The following ABCA5 variants were observed in gnomAD, a reference collection of about 807,000 sequenced individuals.
The protein encoded by ABCA5 is ATP binding cassette subfamily A member 5.
In ABCA5, 163 loss-of-function variants were observed where a neutral mutation model predicts 206.0. The ratio of observed to expected loss-of-function variants is 0.79; its 90% CI spans 0.70 to 0.90. The LOEUF is 0.90. Among genes scored for constraint, ABCA5 ranks in the 40% least tolerant of loss-of-function variants. The pLI, the probability that ABCA5 is intolerant of heterozygous loss-of-function variation, is 0.00. For synonymous variants in ABCA5, 609 were observed against 613.8 expected (o/e 0.99, Z 0.11); for missense variants, 1,859 against 1,912.9 (o/e 0.97, Z 0.53).
In ABCA5 at chr17:69,261,150, A is replaced by C; in HGVS notation, c.3539T>G (p.Leu1180Arg). The C allele has an allele frequency of 1.9e-6, 3 of 1,594,618 alleles. No homozygotes were observed. The highest frequency in any genetic ancestry group is 1.1e-5 in the South Asian group (1 of 87,888). The change falls in exon 26 of 39, where the codon CTA (leucine) becomes CGA (arginine). Residue 1180 changes from leucine (L) to arginine (R), a missense_variant. Coordinates refer to ENST00000392676, the MANE Select transcript of ABCA5 (RefSeq NM_172232.4). The stretch of plus-strand genomic sequence containing the variant: ...CTTTATGAAAGAAATCAGGCAACCT[A>C]GAAGTGGATAGATTGGAATGATGAT... ...FCIIIPIYPL[L>R]GCLISFIKIS...
chr17:69,309,040 T>C (rs34985085), intron 4 of ABCA5, among the ~76,000 whole-genome samples: 2 of 151,924 alleles, frequency 1.3e-5, no homozygotes, highest in East Asian at 3.9e-4. Context: ...TATATATAAA[T>C]GTATTAAATC....
rs11544715 is a variant in ABCA5, at chr17:69,308,306, C to T, written c.532G>A (p.Ala178Thr). Residue 178 changes from alanine (A) to threonine (T), a missense_variant, in exon 5 of 39, where the codon GCA becomes ACA. Transcript: ENST00000392676. Reference sequence around the variant, plus strand: ...TGTATAATGGCAGCATCTATGGATGCTTGTAAAACTGTGAAACCTGAGGAC... The same window carrying T: ...TGTATAATGGCAGCATCTATGGATGTTTGTAAAACTGTGAAACCTGAGGAC... ...YWSSGFTVLQ[A>T]SIDAAIIQLK... 0.14 allele frequency: 220,926 copies of T among 1,608,582 alleles called. 16,019 individuals are homozygous for T. Among genetic ancestry groups the T allele is most frequent in the Admixed American group, 0.16 (9,624 of 59,880 alleles).
chr17:69,264,827 G>T lies in ABCA5; in HGVS notation c.3223C>A (p.Pro1075Thr). ...AAAATAAGAATGATAAAAAATAAGG[G>T]GATATCAACAACAGCTTGTCCAATC... The part of the protein sequence containing the change: ...YWIGQAVVDI[P>T]LFFIILILML... Residue 1075 changes from proline (P) to threonine (T), a missense_variant, in exon 24 of 39, where the codon CCC becomes ACC. By Grantham distance (38) the Pro-to-Thr change is conservative. Transcript: ENST00000392676. 6.3e-7 allele frequency: 1 copy of T among 1,598,138 alleles called. No homozygotes were observed. Among genetic ancestry groups the T allele is most frequent in the Non-Finnish European group, 8.5e-7 (1 of 1,172,404 alleles).
chr17:69,304,751 A>G lies in ABCA5; in HGVS notation c.848T>C (p.Val283Ala), dbSNP rs767391721. Residue 283 changes from valine to alanine, a missense_variant, in exon 7 of 39, where the codon GTC (valine) becomes GCC (alanine). Val to Ala is a moderately conservative substitution (Grantham distance 64). Coordinates refer to ENST00000392676, the MANE Select transcript of ABCA5 (RefSeq NM_172232.4). ...AAATAACAAAGAAGCTGTCGCAATG[A>G]CTGCCATAAGAAGGGACATAAGAAA... ...LIFLMSLLMA[V>A]IATASLLFPQ... is the part of the protein sequence containing the mutation. The G allele has an allele frequency of 1.2e-6, 2 of 1,609,850 alleles. No homozygotes were observed. The highest frequency in any genetic ancestry group is 2.2e-5 in the East Asian group (1 of 44,672).
At chr17:69,298,391 C>G (rs1021467260) in intron 9 of ABCA5, among the ~76,000 whole-genome samples, 5 of 145,022 alleles carry the variant, frequency 3.4e-5, no homozygotes, top group Admixed American at 1.4e-4. Context: ...GCCCAGACAA[C>G]ATGTTCCATT....
intron 34 of ABCA5, 85 bp from the exon 35 acceptor site, chr17:69,251,951 T>C: frequency 7.1e-7 from 1 of 1,417,950 alleles, no homozygotes; most frequent in Non-Finnish European, 9.6e-7. Flanking sequence ...ACCGGTTGGT[T>C]AATTAAGTTA....
chr17:69,319,572 T>C (rs1178594702), intron 1 of ABCA5, among the ~76,000 whole-genome samples: 2 of 152,166 alleles, frequency 1.3e-5, no homozygotes, highest in African/African-American at 4.8e-5. Flanking sequence ...AAATTTCTCT[T>C]GGCAGAATTA....
chr17:69,326,542 T>C lies in ABCA5; in HGVS notation c.-16+510A>G, dbSNP rs1225752115. On this transcript the variant is annotated intron_variant, in intron 1 of 38. Coordinates refer to ENST00000392676, the MANE Select transcript of ABCA5 (RefSeq NM_172232.4). This position sits in a 1 kb window ranked among gnomAD's most constrained non-coding sequence, Gnocchi z 4.8. The stretch of plus-strand genomic sequence containing the variant: ...AACTGTGTCATGAGATCTGCGCATT[T>C]TCTTCTCACTGAAACTCCTTTTAAC... Among the ~76,000 whole-genome samples, 2 of 152,226 alleles carry C rather than the reference T, an allele frequency of 1.3e-5. No individual in the cohort carries two copies. The highest frequency in any genetic ancestry group is 2.9e-5 in the Non-Finnish European group (2 of 68,030).
chr17:69,291,882 G>A (rs1284257308), intron 11 of ABCA5, among the ~76,000 whole-genome samples: 1 of 152,148 alleles, frequency 6.6e-6, no homozygotes, highest in Non-Finnish European at 1.5e-5. Flanking sequence ...GGAGGCTGAG[G>A]TGGGAGGATC....
Position 69,267,973 on chromosome 17 carries a change from G to A in ABCA5, c.3114C>T (p.Tyr1038=). ...LGIIVTAMPP[Y]FAMENAENHK... ...GATTCTCTGCATTTTCCATGGCAAA[G>A]TAAGGTGGCATTGCAGTAACAATGA... The change falls in exon 23 of 39, where the codon TAC becomes TAT. Residue 1038 remains tyrosine, a synonymous_variant. Coordinates refer to ENST00000392676, the MANE Select transcript of ABCA5 (RefSeq NM_172232.4). 6.2e-7 allele frequency: 1 copy of A among 1,610,378 alleles called. No homozygotes were observed.
chr17:69,250,036 T>C, intron 36 of ABCA5, 52 bp from the exon 37 acceptor site: 1 of 1,145,056 alleles, frequency 8.7e-7, no homozygotes, highest in Non-Finnish European at 1.2e-6. Context: ...TACTATTATG[T>C]TCTAAAGCTA....
intron 11 of ABCA5, among the ~76,000 whole-genome samples, chr17:69,293,860 G>GTGTA (rs1402673532): frequency 1.9e-5 from 2 of 107,816 alleles, no homozygotes; most frequent in Non-Finnish European, 4.2e-5. Context: ...GTGTGTGTGT[G>GTGTA]TGTGTGTGTG....
intron 5 of ABCA5, 25 bp from the exon 6 acceptor site, chr17:69,306,979 T>A (rs757907767): frequency 5.4e-6 from 8 of 1,473,510 alleles, no homozygotes; most frequent in Non-Finnish European, 7.3e-6. Context: ...TGTAAATACA[T>A]CAAATTAATT....
rs1031614084 is a variant in ABCA5, at chr17:69,326,333, A to G, written c.-16+719T>C. 5.3e-5 allele frequency among the ~76,000 whole-genome samples: 8 copies of G among 152,294 alleles called. No homozygotes were observed. The highest frequency in any genetic ancestry group is 1.9e-4 in the African/African-American group (8 of 41,548). On this transcript the variant is annotated intron_variant, in intron 1 of 38. Coordinates refer to ENST00000392676, the MANE Select transcript of ABCA5 (RefSeq NM_172232.4). This position sits in a 1 kb window ranked among gnomAD's most constrained non-coding sequence, Gnocchi z 4.8. ...TTCAGAACGCCCTTGTAGAAAGTAA[A>G]CGTGGTTATTATCTTCATTATTTTC...
chr17:69,299,816 C>G (rs1567775569), intron 9 of ABCA5, among the ~76,000 whole-genome samples: 1 of 151,920 alleles, frequency 6.6e-6, no homozygotes, highest in Non-Finnish European at 1.5e-5. Flanking sequence ...TTCATGTAAC[C>G]AAACACCACC....
rs552151851 is a variant in ABCA5, at chr17:69,246,979, A to G, written c.*558T>C. ...TCACTTATTATGATCAATGACTGCC[A>G]CCTAGTGGATATAACTTTCCTCAAA... On this transcript the variant is annotated 3_prime_UTR_variant, in exon 39 of 39. Coordinates refer to ENST00000392676, the MANE Select transcript of ABCA5 (RefSeq NM_172232.4). The G allele has an allele frequency of 2.0e-5, 3 of 152,020 alleles. No homozygotes were observed. Among genetic ancestry groups the G allele is most frequent in the Admixed American group, 1.3e-4 (2 of 15,264 alleles). 9.4% of individuals were successfully genotyped at this position (152,020 alleles called of 1,614,324 possible). A position where few individuals can be genotyped will look rare whatever the true frequency, so the allele number is the denominator to read the frequency against.
intron 20 of ABCA5, among the ~76,000 whole-genome samples, chr17:69,273,551 G>C (rs2075297182): frequency 6.6e-6 from 1 of 151,474 alleles, no homozygotes; most frequent in Non-Finnish European, 1.5e-5. Flanking sequence ...CGCCTCCCGG[G>C]TTCAAGCGAT....
chr17:69,279,314 C>A (rs953401900), intron 18 of ABCA5, among the ~76,000 whole-genome samples: 9 of 152,118 alleles, frequency 5.9e-5, no homozygotes, highest in Non-Finnish European at 1.3e-4. Flanking sequence ...ACCTAGGAAT[C>A]CAACTTACGA....
At chr17:69,314,762 T>C in intron 1 of ABCA5, 1 of 195,058 alleles carries the variant, frequency 5.1e-6, no homozygotes, top group Non-Finnish European at 1.0e-5. Context: ...GCAAGGGAAG[T>C]CTTAATGCTC....
Sources: gnomAD v4.1 joint callset for allele counts (sites outside exome capture counted in the v4.1 genomes callset) on GRCh38, gnomAD v4.1.1 for gene constraint, Gnocchi (gnomAD v3.1) non-coding constraint, MANE v1.5 for transcripts, NCBI Gene and HGNC (gene_info 2026-07-23, HGNC 2026-07-21) for gene names.